Variants in PCM1 observed in about 807,000 individuals in gnomAD.
The protein encoded by PCM1 is pericentriolar material 1 protein.
PCM1 carries 157 observed loss-of-function variants against 241.9 expected under a neutral mutation model. The observed-to-expected ratio is 0.65, with a 90% confidence interval of 0.57 to 0.74. PCM1 has a LOEUF of 0.74. Ranked by LOEUF, PCM1 falls within the 30% of genes least tolerant of loss-of-function variation. The probability of loss-of-function intolerance (pLI) is 0.00; values close to 1 mark genes in which losing one functional copy is unlikely to be tolerated. For synonymous variants in PCM1, 1,085 were observed against 784.9 expected (o/e 1.38, Z -6.39); for missense variants, 3,478 against 2,360.1 (o/e 1.47, Z -9.81).
chr8:17,976,144 C>G (rs920387882), intron 23 of PCM1, among the ~76,000 whole-genome samples: 4 of 152,180 alleles, frequency 2.6e-5, no homozygotes, highest in Non-Finnish European at 4.4e-5. Flanking sequence ...AAACATTAGG[C>G]AAGGCAAGGC....
intron 36 of PCM1, among the ~76,000 whole-genome samples, chr8:18,015,484 T>C (rs1421069159): frequency 2.0e-5 from 3 of 152,162 alleles, no homozygotes; most frequent in Non-Finnish European, 2.9e-5. Context: ...CCCTAACATA[T>C]GGATATGTGA....
intron 21 of PCM1, among the ~76,000 whole-genome samples, chr8:17,967,795 G>A (rs2075459663): frequency 6.6e-6 from 1 of 152,196 alleles, no homozygotes; most frequent in Non-Finnish European, 1.5e-5. Flanking sequence ...TCCTAAAGGA[G>A]TACCATGTCT....
chr8:17,995,674 A>C (rs924735684), intron 29 of PCM1, among the ~76,000 whole-genome samples: 2 of 147,530 alleles, frequency 1.4e-5, no homozygotes, highest in Admixed American at 1.3e-4. Context: ...CATTTTAACA[A>C]TATTGATTTT....
At chr8:17,955,066 T>G (rs759433582) in intron 9 of PCM1, among the ~76,000 whole-genome samples, 22 of 152,108 alleles carry the variant, frequency 1.4e-4, no homozygotes, top group Admixed American at 2.0e-4. Context: ...TGCACATGAT[T>G]CATAGTGGCC....
In PCM1 at chr8:17,980,939, T is replaced by C. The variant is rs966581883; in HGVS notation, c.4108+184T>C. Among the ~76,000 whole-genome samples the C allele has an allele frequency of 6.6e-5, 10 of 152,364 alleles. No individual in the cohort carries two copies. The East Asian group carries it at 1.9e-3, about 29-fold the overall frequency. On this transcript the variant is annotated intron_variant, in intron 24 of 38. Coordinates refer to ENST00000325083, the MANE Select transcript of PCM1 (RefSeq NM_006197.4). ...TAAAAACTGAAAATATTTTGTGTTA[T>C]ACTATTTAATAGTTTTGGACACATT...
intron 28 of PCM1, among the ~76,000 whole-genome samples, chr8:17,992,935 G>GT (rs3039044): frequency 0.51 from 63,311 of 123,884 alleles, 17,237 homozygotes; most frequent in Non-Finnish European, 0.64. Flanking sequence ...CTTTTTGATG[G>GT]TTTTTTTTTT....
intron 24 of PCM1, among the ~76,000 whole-genome samples, chr8:17,981,622 C>T (rs1324872753): frequency 1.3e-5 from 2 of 152,010 alleles, no homozygotes; most frequent in Non-Finnish European, 1.5e-5. Flanking sequence ...AAAATGCATG[C>T]GTTTTTTGTT....
chr8:17,964,657 C>T lies in PCM1; in HGVS notation c.2744C>T (p.Thr915Ile). The T allele has an allele frequency of 6.2e-7, 1 of 1,613,740 alleles. No individual in the cohort carries two copies. The highest frequency in any genetic ancestry group is 8.5e-7 in the Non-Finnish European group (1 of 1,179,730). The stretch of plus-strand genomic sequence containing the variant: ...TACCTTTCTGAAGGAATTGTTCGGA[C>T]AGATGAAGAGGAGGAAGAAGAGCAA... ...DGYLSEGIVR[T>I]DEEEEEEQDA... Residue 915 changes from threonine to isoleucine, a missense_variant, in exon 18 of 39, where the codon ACA (threonine) becomes ATA (isoleucine). By Grantham distance (89) the Thr-to-Ile change is moderately conservative. Transcript: ENST00000325083.
intron 24 of PCM1, chr8:17,983,235 C>T (rs1461352437): frequency 1.5e-6 from 2 of 1,319,536 alleles, no homozygotes; most frequent in Non-Finnish European, 2.0e-6. Flanking sequence ...TCCTACAGCA[C>T]ATGCTAGGAG....
chr8:17,930,664 G>C (rs918565976), intron 2 of PCM1, among the ~76,000 whole-genome samples: 1 of 151,854 alleles, frequency 6.6e-6, no homozygotes, highest in South Asian at 2.1e-4. Context: ...GGATCACGAG[G>C]TCAGGAGATG....
intron 29 of PCM1, among the ~76,000 whole-genome samples, chr8:17,996,136 GT>G (rs983281380): frequency 6.6e-6 from 1 of 152,158 alleles, no homozygotes; most frequent in African/African-American, 2.4e-5. Flanking sequence ...ATGGCTTTCA[GT>G]GTTTCCCCAT....
intron 29 of PCM1, among the ~76,000 whole-genome samples, chr8:17,999,204 C>G (rs539795143): frequency 2.6e-5 from 4 of 152,114 alleles, no homozygotes; most frequent in African/African-American, 9.6e-5. Context: ...CTACTTTTCT[C>G]AAGCAGAAGG....
Position 17,986,094 on chromosome 8 carries a change from T to G in PCM1, c.4410+7T>G. On this transcript the variant is annotated splice_region_variant and intron_variant, in intron 26 of 38. Coordinates refer to ENST00000325083, the MANE Select transcript of PCM1 (RefSeq NM_006197.4). ...CCTTGCTACTACTGATGATGTAAGC[T>G]GATAATGATTAGTGAATTGTAGATA... The G allele has an allele frequency of 6.5e-7, 1 of 1,537,910 alleles. No individual in the cohort carries two copies. The highest frequency in any genetic ancestry group is 8.7e-7 in the Non-Finnish European group (1 of 1,143,822).
chr8:17,938,707 G>C (rs764221034), intron 4 of PCM1, 33 bp from the exon 5 acceptor site: 2 of 1,565,812 alleles, frequency 1.3e-6, no homozygotes, highest in East Asian at 4.5e-5. Context: ...TAAGGTTAAT[G>C]TTTGTGTGAT....
chr8:18,011,447 A>G, intron 33 of PCM1, 81 bp downstream of exon 33: 1 of 1,274,234 alleles, frequency 7.8e-7, no homozygotes, highest in East Asian at 2.5e-5. Flanking sequence ...GGAGTGTAAC[A>G]AGTATAAAAT....
rs763214441 is a variant in PCM1 at position 17,938,809 on chromosome 8, C to A, written c.412C>A (p.Arg138=). The change falls in exon 5 of 39, where the codon CGA becomes AGA. Residue 138 remains arginine, a synonymous_variant. Coordinates refer to ENST00000325083, the MANE Select transcript of PCM1 (RefSeq NM_006197.4). ...ANNKRQLSEN[R]KPFNFLPMQI... Reference sequence around the variant, plus strand: ...CAACAAACGTCAGCTTAGTGAAAACCGAAAGCCCTTCAACTTTTTGCCTAT... The same window carrying A: ...CAACAAACGTCAGCTTAGTGAAAACAGAAAGCCCTTCAACTTTTTGCCTAT... 6.2e-7 allele frequency: 1 copy of A among 1,612,920 alleles called. No individual in the cohort carries two copies. Among genetic ancestry groups the A allele is most frequent in the Non-Finnish European group, 8.5e-7 (1 of 1,178,940 alleles).
chr8:17,950,858 C>T (rs1465892084), intron 8 of PCM1, 134 bp downstream of exon 8: 5 of 631,150 alleles, frequency 7.9e-6, no homozygotes, highest in Admixed American at 3.3e-5. Flanking sequence ...GGTGGGGTCC[C>T]CCCCACCTTC....
chr8:17,958,298 A>T (rs144128950), intron 13 of PCM1, among the ~76,000 whole-genome samples: 1 of 152,278 alleles, frequency 6.6e-6, no homozygotes, highest in Non-Finnish European at 1.5e-5. Context: ...ATCTTAACCT[A>T]CTGTATATAA....
At chr8:17,928,927 C>A (rs569576893) in intron 2 of PCM1, among the ~76,000 whole-genome samples, 1 of 152,078 alleles carries the variant, frequency 6.6e-6, no homozygotes, top group African/African-American at 2.4e-5. Flanking sequence ...CCACCGCACC[C>A]GACCAGTATC....
Sources: gnomAD v4.1 joint callset for allele counts (sites outside exome capture counted in the v4.1 genomes callset) on GRCh38, gnomAD v4.1.1 for gene constraint, MANE v1.5 for transcripts, NCBI Gene and HGNC (gene_info 2026-07-23, HGNC 2026-07-21) for gene names.